The following PARD3B variants were observed in gnomAD, a reference collection of about 807,000 sequenced individuals.
The protein encoded by PARD3B is par-3 family cell polarity regulator beta, also known as partitioning defective 3 homolog B.
Under a neutral mutation model 130.2 loss-of-function variants are expected in PARD3B, and 103 were observed. That is an observed-to-expected ratio of 0.79 (90% CI 0.67 to 0.93). The LOEUF is 0.93. PARD3B is among the 40% of genes least tolerant of loss of function. The probability of loss-of-function intolerance (pLI) is 0.00; values close to 1 mark genes in which losing one functional copy is unlikely to be tolerated. For missense variants in PARD3B, 1,609 were observed against 1,499.2 expected (o/e 1.07, Z -1.21); for synonymous variants, 583 against 553.2 (o/e 1.05, Z -0.76).
intron 19 of PARD3B, among the ~76,000 whole-genome samples, chr2:205,408,266 G>A (rs892149153): frequency 3.3e-5 from 5 of 152,098 alleles, no homozygotes; most frequent in African/African-American, 1.2e-4. Flanking sequence ...ATTTAATTAT[G>A]CAGCTGCAAG....
At chr2:204,597,482 G>T (rs566175853) in intron 1 of PARD3B, among the ~76,000 whole-genome samples, 4 of 152,294 alleles carry the variant, frequency 2.6e-5, no homozygotes, top group Admixed American at 2.6e-4. Flanking sequence ...CCTAGAATAT[G>T]GAGAAAAGGC....
In PARD3B at chr2:205,341,549, C is replaced by T. The variant is rs1409478533; in HGVS notation, c.2630+39848C>T. On this transcript the variant is annotated intron_variant, in intron 18 of 22. Coordinates refer to ENST00000406610, the MANE Select transcript of PARD3B (RefSeq NM_001302769.2). The surrounding 1 kb of genome is among the most constrained non-coding windows in gnomAD (Gnocchi z 4.3). ...GTAGAAGCTAAAAAAAATGTTTAAG[C>T]TCATGAAAGTAGAGACCAGAATTGT... Among the ~76,000 whole-genome samples the T allele has an allele frequency of 2.6e-5, 4 of 151,982 alleles. No individual in the cohort carries two copies.
chr2:205,008,723 G>C (rs1053038181), intron 3 of PARD3B, among the ~76,000 whole-genome samples: 7 of 152,158 alleles, frequency 4.6e-5, no homozygotes, highest in East Asian at 1.9e-4. Context: ...AGACTTGACA[G>C]GATAGATGTT....
chr2:204,883,712 G>A (rs1422688655), intron 2 of PARD3B, among the ~76,000 whole-genome samples: 1 of 151,396 alleles, frequency 6.6e-6, no homozygotes, highest in Non-Finnish European at 1.5e-5. Context: ...CCAAAGTGCT[G>A]GGATTACACA....
At chr2:205,567,797 G>C (rs760534678) in intron 22 of PARD3B, among the ~76,000 whole-genome samples, 2 of 151,698 alleles carry the variant, frequency 1.3e-5, no homozygotes, top group East Asian at 1.9e-4. Flanking sequence ...GATTTTATTT[G>C]AGAAGCGATC....
Position 205,418,362 on chromosome 2 carries a change from C to A in PARD3B, c.2741+17239C>A, listed in dbSNP as rs181352380. ...CAAATATTAATTGAGCATCTAGGCA[C>A]ATGAGGGAAATGGCAAGATGCGTAA... On this transcript the variant is annotated intron_variant, in intron 19 of 22. Coordinates refer to ENST00000406610, the MANE Select transcript of PARD3B (RefSeq NM_001302769.2). Among the ~76,000 whole-genome samples the A allele has an allele frequency of 2.6e-5, 4 of 152,256 alleles. No individual in the cohort carries two copies. In the East Asian group the frequency reaches 7.7e-4, roughly 29 times the overall value.
chr2:205,003,918 A>C (rs546551802), intron 3 of PARD3B, among the ~76,000 whole-genome samples: 1 of 152,284 alleles, frequency 6.6e-6, no homozygotes, highest in Non-Finnish European at 1.5e-5. Context: ...CAAGGTATTT[A>C]GTTTGGGAAT....
At chr2:204,855,133 G>C (rs1212694837) in intron 2 of PARD3B, among the ~76,000 whole-genome samples, 1 of 152,110 alleles carries the variant, frequency 6.6e-6, no homozygotes, top group Non-Finnish European at 1.5e-5. Context: ...CAAAAAATGA[G>C]AACTACTAGG....
At chr2:205,335,405 T>C (rs1184576101) in intron 18 of PARD3B, among the ~76,000 whole-genome samples, 1 of 152,202 alleles carries the variant, frequency 6.6e-6, no homozygotes, top group Admixed American at 6.5e-5. Context: ...GTCTAGCATG[T>C]TGACAGTCTC....
At chr2:204,952,317 G>A (rs1398986662) in intron 2 of PARD3B, among the ~76,000 whole-genome samples, 1 of 149,096 alleles carries the variant, frequency 6.7e-6, no homozygotes, top group Admixed American at 6.6e-5. Flanking sequence ...AAAACCAAAG[G>A]CCCATCAATC....
chr2:205,453,614 T>C (rs549460630), intron 20 of PARD3B, among the ~76,000 whole-genome samples: 1 of 152,256 alleles, frequency 6.6e-6, no homozygotes, highest in South Asian at 2.1e-4. Flanking sequence ...AGCTAAGGTT[T>C]CAACCCAAGT....
At chr2:205,049,643 T>A (rs188996455) in intron 4 of PARD3B, among the ~76,000 whole-genome samples, 1 of 152,334 alleles carries the variant, frequency 6.6e-6, no homozygotes, top group African/African-American at 2.4e-5. Flanking sequence ...TGATGGCTAC[T>A]GTCCATCTGG....
intron 4 of PARD3B, among the ~76,000 whole-genome samples, chr2:205,067,019 T>C (rs1413626338): frequency 6.6e-6 from 1 of 150,592 alleles, no homozygotes; most frequent in Admixed American, 6.7e-5. Flanking sequence ...TAAGATGAAA[T>C]TATCTCAGTA....
In PARD3B at chr2:205,575,082, T is replaced by TGG. The variant is rs1296990469; in HGVS notation, c.3260+21679_3260+21680insGG. 2.4e-5 allele frequency among the ~76,000 whole-genome samples: 1 copy of TGG among 41,516 alleles called. No individual in the cohort carries two copies. The highest frequency in any genetic ancestry group is 7.3e-5 in the African/African-American group (1 of 13,642). 27.2% of individuals were successfully genotyped at this position (41,516 alleles called of 152,430 possible). A position where few individuals can be genotyped will look rare whatever the true frequency, so the allele number is the denominator to read the frequency against. On this transcript the variant is annotated intron_variant, in intron 22 of 22. Transcript: ENST00000406610. The surrounding 1 kb of genome is among the most constrained non-coding windows in gnomAD (Gnocchi z 4.6). ...AAAATACATTATATACACATTTAAA[T>TGG]AGACACACACACACACACACACACA...
At chr2:204,949,795 A>G (rs1224694750) in intron 2 of PARD3B, among the ~76,000 whole-genome samples, 2 of 152,214 alleles carry the variant, frequency 1.3e-5, no homozygotes, top group Middle Eastern at 3.2e-3. Flanking sequence ...AATTAAGTCT[A>G]TCTTATTAGT....
chr2:205,543,019 A>C (rs2052228635), intron 21 of PARD3B, among the ~76,000 whole-genome samples: 1 of 152,154 alleles, frequency 6.6e-6, no homozygotes, highest in Admixed American at 6.5e-5. Context: ...TCTAGCATGG[A>C]ATCTGATTCA....
At chr2:205,064,395 G>C (rs1224068834) in intron 4 of PARD3B, among the ~76,000 whole-genome samples, 1 of 152,106 alleles carries the variant, frequency 6.6e-6, no homozygotes, top group Non-Finnish European at 1.5e-5. Context: ...CCACATTGGG[G>C]AGACATGCGT....
At chr2:205,565,631 C>G (rs1331301590) in intron 22 of PARD3B, among the ~76,000 whole-genome samples, 1 of 152,082 alleles carries the variant, frequency 6.6e-6, no homozygotes, top group African/African-American at 2.4e-5. Flanking sequence ...TTACTTCTTT[C>G]TTATCCAATT....
At chr2:205,110,782 T>C (rs955080409) in intron 5 of PARD3B, among the ~76,000 whole-genome samples, 1 of 152,074 alleles carries the variant, frequency 6.6e-6, no homozygotes, top group Non-Finnish European at 1.5e-5. Context: ...AACATAAACA[T>C]AAATGTGCAC....
Sources: allele counts gnomAD v4.1 joint callset (sites outside exome capture counted in the v4.1 genomes callset), GRCh38; gene constraint gnomAD v4.1.1; non-coding constraint Gnocchi (gnomAD v3.1); transcripts MANE v1.5; gene names NCBI Gene and HGNC (gene_info 2026-07-23, HGNC 2026-07-21).